EIF4G3: variants seen among roughly 807,000 people sequenced by gnomAD.
The protein encoded by EIF4G3 is eIF-4-gamma 3.
Under a neutral mutation model 186.4 loss-of-function variants are expected in EIF4G3, and 34 were observed. The observed-to-expected ratio is 0.18, with a 90% CI of 0.14 to 0.24. The LOEUF (loss-of-function observed/expected upper bound fraction) is 0.24. EIF4G3 is among the 10% of genes least tolerant of loss of function. The pLI is 1.00. For missense variants in EIF4G3, 1,536 were observed against 1,948.5 expected, an observed-to-expected ratio of 0.79 and a Z score of 3.99; for synonymous variants, 673 against 679.5, an observed-to-expected ratio of 0.99 and a Z score of 0.15.
chr1:21,057,894 C>G (rs2094640822), intron 3 of EIF4G3, among the ~76,000 whole-genome samples: 1 of 151,904 alleles, frequency 6.6e-6, no homozygotes, highest in South Asian at 2.1e-4. Flanking sequence ...AGATTTCCAC[C>G]AAAAAATAAT....
At chr1:21,068,386 A>AAAAAAAAAAAAAAAAAAAAAAAAAAAC (rs2095331203) in intron 3 of EIF4G3, among the ~76,000 whole-genome samples, 1 of 149,052 alleles carries the variant, frequency 6.7e-6, no homozygotes, top group Non-Finnish European at 1.5e-5. Context: ...AAAAAAAAAA[A>AAAAAAAAAAAAAAAAAAAAAAAAAAAC]AAAAAAAAAA....
At position 20,864,518 on chromosome 1, in the gene EIF4G3, C is replaced by A. The variant is rs2154552286; in HGVS notation, c.2964G>T (p.Leu988=). 6.2e-7 allele frequency: 1 copy of A among 1,614,210 alleles called. No individual in the cohort carries two copies. Among genetic ancestry groups the A allele is most frequent in the Non-Finnish European group, 8.5e-7 (1 of 1,180,034 alleles). The change falls in exon 22 of 37, where the codon CTG becomes CTT. Residue 988 remains leucine (L), a synonymous_variant. Coordinates refer to ENST00000602326, the MANE Select transcript of EIF4G3 (RefSeq NM_001391906.1). ...CCAAGTCTTTGCCAATGGTGGTGAGCAGGCGACACAGGCACTCCAGGGATT... is the reference window on the plus strand; with the variant it reads ...CCAAGTCTTTGCCAATGGTGGTGAGAAGGCGACACAGGCACTCCAGGGATT... ...DEESLECLCR[L]LTTIGKDLDF... is the part of the protein sequence containing the mutation.
At chr1:20,989,449 C>T (rs551454559) in intron 7 of EIF4G3, among the ~76,000 whole-genome samples, 19 of 147,386 alleles carry the variant, frequency 1.3e-4, no homozygotes, top group African/African-American at 4.0e-4. Flanking sequence ...CCCAGCTACT[C>T]GGGAGGGTGA....
chr1:21,078,201 A>G (rs887005856), intron 3 of EIF4G3, among the ~76,000 whole-genome samples: 2 of 152,248 alleles, frequency 1.3e-5, no homozygotes, highest in African/African-American at 4.8e-5. Flanking sequence ...ACAATAGCCA[A>G]GATGTGGATC....
At chr1:21,103,183 G>C (rs183737153) in intron 2 of EIF4G3, among the ~76,000 whole-genome samples, 1 of 152,208 alleles carries the variant, frequency 6.6e-6, no homozygotes, top group East Asian at 1.9e-4. Flanking sequence ...AAAAATTGCA[G>C]TCTGGTAACC....
chr1:21,134,647 C>T (rs865975758), intron 2 of EIF4G3, among the ~76,000 whole-genome samples: 2 of 151,980 alleles, frequency 1.3e-5, no homozygotes, highest in Admixed American at 6.6e-5. Flanking sequence ...CCAGCCTGGA[C>T]GACCGAGTGA....
chr1:20,906,713 CTATT>C (rs143743200), intron 14 of EIF4G3, among the ~76,000 whole-genome samples: 4 of 152,040 alleles, frequency 2.6e-5, no homozygotes, highest in Non-Finnish European at 4.4e-5. Flanking sequence ...GTTTAAGTGG[CTATT>C]TAAAGTCTTG....
At chr1:21,002,915 T>A (rs777231317) in intron 4 of EIF4G3, 107 bp from the exon 5 acceptor site, 3 of 589,396 alleles carry the variant, frequency 5.1e-6, no homozygotes, top group Admixed American at 7.1e-5. Context: ...TTAATGTGGT[T>A]TATATTCTAC....
intron 2 of EIF4G3, among the ~76,000 whole-genome samples, chr1:21,146,400 T>A (rs1558178163): frequency 6.6e-6 from 1 of 152,176 alleles, no homozygotes; most frequent in East Asian, 1.9e-4. Context: ...GGCAAACATA[T>A]GGCTATTAAC....
intron 3 of EIF4G3, among the ~76,000 whole-genome samples, chr1:21,088,576 T>A (rs2096072409): frequency 6.6e-6 from 1 of 151,632 alleles, no homozygotes; most frequent in African/African-American, 2.4e-5. Context: ...AAAATAAAAC[T>A]CAAGAGTCCA....
At chr1:20,896,172 C>G (rs963929120) in intron 16 of EIF4G3, among the ~76,000 whole-genome samples, 2 of 151,758 alleles carry the variant, frequency 1.3e-5, no homozygotes, top group African/African-American at 4.8e-5. Context: ...TATAAAGAAA[C>G]AAGGCCAGGG....
At chr1:21,028,759 C>T (rs1023519742) in intron 4 of EIF4G3, among the ~76,000 whole-genome samples, 4 of 152,166 alleles carry the variant, frequency 2.6e-5, no homozygotes, top group African/African-American at 9.7e-5. Context: ...TGGTGACCAA[C>T]CTAGTACTGA....
At chr1:20,990,456 C>T (rs2080834283) in intron 7 of EIF4G3, among the ~76,000 whole-genome samples, 1 of 152,036 alleles carries the variant, frequency 6.6e-6, no homozygotes, top group African/African-American at 2.4e-5. Context: ...GGGCGGATCA[C>T]GAGGTCAGGA....
At chr1:20,943,854 A>ACTTTTC (rs2095811713) in intron 13 of EIF4G3, among the ~76,000 whole-genome samples, 1 of 152,106 alleles carries the variant, frequency 6.6e-6, no homozygotes, top group Non-Finnish European at 1.5e-5. Context: ...CTAAAATTGG[A>ACTTTTC]CTTTTCTTAG....
chr1:20,872,522 T>G (rs1027218153), intron 20 of EIF4G3, among the ~76,000 whole-genome samples: 1 of 152,106 alleles, frequency 6.6e-6, no homozygotes, highest in Non-Finnish European at 1.5e-5. Context: ...GTTTCAAAAA[T>G]TTTTTAAGGT....
At chr1:21,065,233 A>G (rs1177546777) in intron 3 of EIF4G3, among the ~76,000 whole-genome samples, 1 of 152,120 alleles carries the variant, frequency 6.6e-6, no homozygotes, top group African/African-American at 2.4e-5. Context: ...ACAGATCCAA[A>G]TCATGTAAGA....
intron 10 of EIF4G3, among the ~76,000 whole-genome samples, chr1:20,976,764 G>T (rs1033498099): frequency 2.0e-5 from 3 of 152,068 alleles, no homozygotes; most frequent in Non-Finnish European, 2.9e-5. Context: ...ATGGCCAGGC[G>T]CAGTGGCTCA....
chr1:21,097,164 A>G (rs758424275), intron 2 of EIF4G3, among the ~76,000 whole-genome samples: 1 of 152,240 alleles, frequency 6.6e-6, no homozygotes, highest in Non-Finnish European at 1.5e-5. Flanking sequence ...CTGTACAAAT[A>G]GTGTGCAGAT....
intron 27 of EIF4G3, among the ~76,000 whole-genome samples, chr1:20,853,333 G>C (rs999626964): frequency 6.6e-6 from 1 of 152,168 alleles, no homozygotes; most frequent in Admixed American, 6.5e-5. Flanking sequence ...GGCTGTTTGG[G>C]TGGGCCTAGC....
Sources: allele counts gnomAD v4.1 joint callset (sites outside exome capture counted in the v4.1 genomes callset), GRCh38; gene constraint gnomAD v4.1.1; transcripts MANE v1.5; gene names NCBI Gene and HGNC (gene_info 2026-07-23, HGNC 2026-07-21).